FBXL7: variants seen among roughly 807,000 people sequenced by gnomAD.
FBXL7 encodes F-box and leucine rich repeat protein 7, also known as F-box/LRR-repeat protein 7.
FBXL7 carries 12 observed loss-of-function variants against 38.3 expected under a neutral mutation model. The ratio of observed to expected loss-of-function variants is 0.31; its 90% CI spans 0.20 to 0.51. FBXL7 has a LOEUF of 0.51. FBXL7 is among the 20% of genes least tolerant of loss of function. FBXL7 has a pLI of 0.98. For missense variants in FBXL7, 567 were observed against 676.4 expected (o/e 0.84, Z 1.79); for synonymous variants, 297 against 300.9 (o/e 0.99, Z 0.13).
intron 2 of FBXL7, among the ~76,000 whole-genome samples, chr5:15,740,321 T>G (rs1228359400): frequency 6.6e-6 from 1 of 152,240 alleles, no homozygotes; most frequent in African/African-American, 2.4e-5. Context: ...CTTCCTTTCC[T>G]GCAAGTTATG....
At chr5:15,845,553 A>C (rs1427175085) in intron 2 of FBXL7, among the ~76,000 whole-genome samples, 1 of 152,198 alleles carries the variant, frequency 6.6e-6, no homozygotes, top group Non-Finnish European at 1.5e-5. Flanking sequence ...TTAAAATGAT[A>C]ATATTCAAAT....
chr5:15,926,051 A>G (rs1055783807), intron 2 of FBXL7, among the ~76,000 whole-genome samples: 4 of 152,174 alleles, frequency 2.6e-5, no homozygotes, highest in Non-Finnish European at 4.4e-5. Context: ...TAGGACAAGC[A>G]AACATGTTTG....
intron 2 of FBXL7, among the ~76,000 whole-genome samples, chr5:15,701,917 C>T (rs999221250): frequency 1.3e-5 from 2 of 152,152 alleles, no homozygotes; most frequent in African/African-American, 4.8e-5. Context: ...CCCAGATTAA[C>T]TTAAGGAAGA....
intron 2 of FBXL7, among the ~76,000 whole-genome samples, chr5:15,619,853 G>GGTGT (rs1740567814): frequency 6.6e-6 from 1 of 152,194 alleles, no homozygotes; most frequent in South Asian, 2.1e-4. Flanking sequence ...CCTGGTTGGA[G>GGTGT]GTGTATGTAT....
At chr5:15,520,334 A>T (rs896979468) in intron 1 of FBXL7, among the ~76,000 whole-genome samples, 3 of 152,198 alleles carry the variant, frequency 2.0e-5, no homozygotes, top group African/African-American at 2.4e-5. Context: ...GCTATTCAAG[A>T]TGGAGTTGCT....
intron 2 of FBXL7, among the ~76,000 whole-genome samples, chr5:15,721,996 G>A (rs572182317): frequency 3.9e-5 from 6 of 152,092 alleles, no homozygotes; most frequent in Middle Eastern, 6.8e-3. Flanking sequence ...CACCACAGTC[G>A]GCTAATTTTT....
chr5:15,747,092 A>C (rs1736035930), intron 2 of FBXL7, among the ~76,000 whole-genome samples: 1 of 152,264 alleles, frequency 6.6e-6, no homozygotes, highest in Middle Eastern at 3.4e-3. Flanking sequence ...CTGAGCCACA[A>C]CTTTGCCCTC....
intron 2 of FBXL7, among the ~76,000 whole-genome samples, chr5:15,640,793 G>T (rs1362148016): frequency 1.3e-5 from 2 of 152,184 alleles, no homozygotes; most frequent in Non-Finnish European, 2.9e-5. Context: ...CAAAGTGTTG[G>T]GATTACAGGT....
intron 2 of FBXL7, among the ~76,000 whole-genome samples, chr5:15,694,267 G>A (rs1174852563): frequency 6.6e-6 from 1 of 152,202 alleles, no homozygotes; most frequent in Non-Finnish European, 1.5e-5. Flanking sequence ...CTGTGCATAA[G>A]TGTAGGTCTT....
chr5:15,795,612 C>T (rs1384484332), intron 2 of FBXL7, among the ~76,000 whole-genome samples: 1 of 152,174 alleles, frequency 6.6e-6, no homozygotes, highest in Non-Finnish European at 1.5e-5. Context: ...GACTCAGTCA[C>T]AGAGTTATCT....
At chr5:15,528,743 C>T (rs1393134777) in intron 1 of FBXL7, among the ~76,000 whole-genome samples, 2 of 152,164 alleles carry the variant, frequency 1.3e-5, no homozygotes, top group Non-Finnish European at 2.9e-5. Context: ...ACAGCCAAAC[C>T]ATATCACATT....
intron 2 of FBXL7, among the ~76,000 whole-genome samples, chr5:15,658,901 A>G (rs1309751127): frequency 6.6e-6 from 1 of 151,874 alleles, no homozygotes; most frequent in Non-Finnish European, 1.5e-5. Flanking sequence ...TTTGGTCTTT[A>G]CTTCTTTTTT....
At chr5:15,727,452 T>A (rs956881741) in intron 2 of FBXL7, among the ~76,000 whole-genome samples, 2 of 152,212 alleles carry the variant, frequency 1.3e-5, no homozygotes, top group African/African-American at 4.8e-5. Flanking sequence ...TTCCTCACTT[T>A]TGAAGGGCAG....
At chr5:15,640,802 G>A (rs1362061071) in intron 2 of FBXL7, among the ~76,000 whole-genome samples, 1 of 152,202 alleles carries the variant, frequency 6.6e-6, no homozygotes, top group East Asian at 1.9e-4. Context: ...GGGATTACAG[G>A]TGATAGCCAC....
chr5:15,813,682 C>T (rs141547474), intron 2 of FBXL7, among the ~76,000 whole-genome samples: 1,850 of 152,074 alleles, frequency 0.012, 8 homozygotes, highest in Admixed American at 0.019. Flanking sequence ...ACCCATCTGA[C>T]AAAGGGCTAA....
intron 2 of FBXL7, among the ~76,000 whole-genome samples, chr5:15,632,769 C>T (rs1265152804): frequency 2.6e-5 from 4 of 152,120 alleles, no homozygotes; most frequent in Admixed American, 2.6e-4. Context: ...AACACAGGAT[C>T]AAAAACCAAA....
Position 15,501,931 on chromosome 5 carries a change from G to GT in FBXL7, c.37+1231dup, listed in dbSNP as rs546310381. On this transcript the variant is annotated intron_variant, in intron 1 of 3. Transcript: ENST00000504595. ...TTCCTTGTCTTGGGCAGTGATTTGA[G>GT]TTTTTTTTTTTTTGACAATTTTTTT... Among the ~76,000 whole-genome samples, 692 of 135,012 alleles carry GT rather than the reference G, an allele frequency of 5.1e-3. 2 individuals carry two copies. The highest frequency in any genetic ancestry group is 7.4e-3 in the Middle Eastern group (2 of 270). 88.6% of individuals were successfully genotyped at this position (135,012 alleles called of 152,430 possible). A position where few individuals can be genotyped will look rare whatever the true frequency, so the allele number is the denominator to read the frequency against.
intron 2 of FBXL7, among the ~76,000 whole-genome samples, chr5:15,756,803 A>G (rs1736309610): frequency 6.6e-6 from 1 of 152,182 alleles, no homozygotes; most frequent in African/African-American, 2.4e-5. Flanking sequence ...AAAAGTTTTC[A>G]TGGATCCAAG....
At chr5:15,789,887 G>T (rs377079259) in intron 2 of FBXL7, among the ~76,000 whole-genome samples, 6 of 152,126 alleles carry the variant, frequency 3.9e-5, no homozygotes, top group Non-Finnish European at 8.8e-5. Flanking sequence ...GCCTTCTAAA[G>T]CACGATGCTT....
Sources: gnomAD v4.1 joint callset for allele counts (sites outside exome capture counted in the v4.1 genomes callset) on GRCh38, gnomAD v4.1.1 for gene constraint, MANE v1.5 for transcripts, NCBI Gene and HGNC (gene_info 2026-07-23, HGNC 2026-07-21) for gene names.